Variants in LDLRAD4 observed in about 807,000 individuals in gnomAD.
The protein encoded by LDLRAD4 is low-density lipoprotein receptor class A domain-containing protein 4.
A neutral mutation model predicts 17.0 loss-of-function variants in LDLRAD4; 5 were observed. The observed-to-expected ratio is 0.29, with a 90% confidence interval of 0.15 to 0.62. The LOEUF (loss-of-function observed/expected upper bound fraction) is 0.62. LDLRAD4 is among the 20% of genes least tolerant of loss of function. LDLRAD4 has a pLI of 0.84. For missense variants in LDLRAD4, 340 were observed against 424.7 expected, an observed-to-expected ratio of 0.80 and a Z score of 1.75; for synonymous variants, 168 against 171.8, an observed-to-expected ratio of 0.98 and a Z score of 0.17.
At chr18:13,459,811 T>A (rs1355933697) in intron 3 of LDLRAD4, 1 of 153,456 alleles carries the variant, frequency 6.5e-6, no homozygotes, top group Non-Finnish European at 1.5e-5. Context: ...CAGGTCTACA[T>A]TTTCTCAGGC....
exon 6 of LDLRAD4, chr18:13,652,123 A>G (rs2043270812): frequency 6.6e-6 from 1 of 152,006 alleles, no homozygotes; most frequent in Non-Finnish European, 1.5e-5. Context: ...CAAAGCTCCC[A>G]CCCCCCAGGT....
At chr18:13,336,760 T>C (rs1302626450) in intron 1 of LDLRAD4, among the ~76,000 whole-genome samples, 2 of 152,142 alleles carry the variant, frequency 1.3e-5, no homozygotes, top group Admixed American at 6.6e-5. Context: ...CTTATATTTG[T>C]GCTCTGTGGT....
At chr18:13,386,070 CAT>C (rs1019217326) in intron 1 of LDLRAD4, among the ~76,000 whole-genome samples, 2 of 152,204 alleles carry the variant, frequency 1.3e-5, no homozygotes, top group Non-Finnish European at 2.9e-5. Flanking sequence ...TTTATAGCAA[CAT>C]GTGATTAACA....
chr18:13,285,466 T>C (rs1238431096), intron 1 of LDLRAD4, among the ~76,000 whole-genome samples: 9 of 152,278 alleles, frequency 5.9e-5, no homozygotes, highest in African/African-American at 1.7e-4. Context: ...ATGGGGGCCA[T>C]TGGAGGTGTC....
At chr18:13,387,691 G>T in exon 2 of LDLRAD4, 3 of 1,612,220 alleles carry the variant, frequency 1.9e-6, no homozygotes, top group Non-Finnish European at 2.5e-6. Flanking sequence ...GACAGCGCAA[G>T]AGTTGGAGCA....
At chr18:13,555,478 A>T (rs2094474559) in intron 3 of LDLRAD4, among the ~76,000 whole-genome samples, 2 of 152,162 alleles carry the variant, frequency 1.3e-5, no homozygotes, top group South Asian at 4.1e-4. Flanking sequence ...TTTACTTTTG[A>T]TTAAAGAGCT....
intron 4 of LDLRAD4, among the ~76,000 whole-genome samples, chr18:13,632,177 C>A (rs920098548): frequency 2.0e-4 from 30 of 152,308 alleles, no homozygotes; most frequent in African/African-American, 6.7e-4. Flanking sequence ...TAGGGTGTCA[C>A]TTCGCCAGTC....
intron 1 of LDLRAD4, chr18:13,362,412 A>T (rs1361800029): frequency 6.6e-6 from 1 of 152,198 alleles, no homozygotes; most frequent in Non-Finnish European, 1.5e-5. Flanking sequence ...CACGCCATAG[A>T]TGGAGGGAAC....
intron 3 of LDLRAD4, chr18:13,460,099 G>A (rs529221700): frequency 6.5e-6 from 1 of 154,114 alleles, no homozygotes; most frequent in East Asian, 1.9e-4. Flanking sequence ...GAACACAAAG[G>A]AGAGGTGCTT....
At chr18:13,507,166 T>C (rs1480103885) in intron 3 of LDLRAD4, among the ~76,000 whole-genome samples, 3 of 152,220 alleles carry the variant, frequency 2.0e-5, no homozygotes, top group African/African-American at 7.2e-5. Context: ...TAATTTTAAT[T>C]TTTAAAATGT....
At chr18:13,314,726 G>A (rs2146793308) in intron 1 of LDLRAD4, among the ~76,000 whole-genome samples, 1 of 152,320 alleles carries the variant, frequency 6.6e-6, no homozygotes, top group Middle Eastern at 3.4e-3. Context: ...GTAGGGCTGG[G>A]AGACAAAACG....
intron 3 of LDLRAD4, among the ~76,000 whole-genome samples, chr18:13,572,825 G>C (rs2094711816): frequency 6.6e-6 from 1 of 152,226 alleles, no homozygotes; most frequent in African/African-American, 2.4e-5. Flanking sequence ...TTTGTTAGCA[G>C]TGCATACCCG....
chr18:13,595,963 G>T (rs2095090232), intron 3 of LDLRAD4, among the ~76,000 whole-genome samples: 1 of 152,076 alleles, frequency 6.6e-6, no homozygotes, highest in Admixed American at 6.6e-5. Flanking sequence ...ATTGAATGTG[G>T]AGTATTATGG....
At chr18:13,642,429 A>G in intron 4 of LDLRAD4, 1 of 1,160,090 alleles carries the variant, frequency 8.6e-7, no homozygotes, top group Non-Finnish European at 1.1e-6. Flanking sequence ...GGGCCTTGGA[A>G]AGAACCTTTA....
At chr18:13,346,901 CCTGT>C (rs914328566) in intron 1 of LDLRAD4, among the ~76,000 whole-genome samples, 1 of 151,408 alleles carries the variant, frequency 6.6e-6, no homozygotes, top group African/African-American at 2.4e-5. Flanking sequence ...GATTGCAACT[CCTGT>C]CTGTTTTCCA....
intron 3 of LDLRAD4, chr18:13,611,176 AG>A (rs2039520257): frequency 6.5e-6 from 1 of 154,542 alleles, no homozygotes; most frequent in East Asian, 1.9e-4. Flanking sequence ...GGCTGACAGC[AG>A]GGCTGGCCGC....
chr18:13,272,129 C>T (rs1351698490), intron 1 of LDLRAD4, among the ~76,000 whole-genome samples: 7 of 152,042 alleles, frequency 4.6e-5, no homozygotes, highest in Non-Finnish European at 1.0e-4. Context: ...CTCTTGACCT[C>T]GTGATCCACC....
chr18:13,410,295 G>A (rs2088215800), intron 2 of LDLRAD4, among the ~76,000 whole-genome samples: 1 of 152,164 alleles, frequency 6.6e-6, no homozygotes. Context: ...GGGATCCTGG[G>A]ATAGAAGAGG....
chr18:13,517,986 G>A (rs553890304), intron 3 of LDLRAD4, among the ~76,000 whole-genome samples: 14 of 152,184 alleles, frequency 9.2e-5, no homozygotes, highest in East Asian at 1.9e-4. Context: ...TGCCCGCCTC[G>A]GCCTCCCAAA....
Sources: gnomAD v4.1 joint callset for allele counts (sites outside exome capture counted in the v4.1 genomes callset) on GRCh38, gnomAD v4.1.1 for gene constraint, MANE v1.5 for transcripts, NCBI Gene and HGNC (gene_info 2026-07-23, HGNC 2026-07-21) for gene names.